GPM6A: variants seen among roughly 807,000 people sequenced by gnomAD.
GPM6A encodes the protein glycoprotein M6A.
A neutral mutation model predicts 32.1 loss-of-function variants in GPM6A; 7 were observed. The observed-to-expected ratio is 0.22, with a 90% CI of 0.12 to 0.41. The LOEUF (loss-of-function observed/expected upper bound fraction) is 0.41. GPM6A is among the 10% of genes least tolerant of loss of function. GPM6A has a pLI of 1.00. For synonymous variants in GPM6A, 130 were observed against 123.4 expected (o/e 1.05, Z -0.35); for missense variants, 235 against 347.2 (o/e 0.68, Z 2.57).
At chr4:175,736,546 G>A (rs917196964) in intron 1 of GPM6A, among the ~76,000 whole-genome samples, 1 of 151,966 alleles carries the variant, frequency 6.6e-6, no homozygotes, top group Non-Finnish European at 1.5e-5. Flanking sequence ...AATCATTTTT[G>A]TTCTCAATAA....
At chr4:175,800,483 C>A (rs1474479811) in intron 1 of GPM6A, among the ~76,000 whole-genome samples, 1 of 152,138 alleles carries the variant, frequency 6.6e-6, no homozygotes, top group South Asian at 2.1e-4. Context: ...ATAGTAAGAT[C>A]GGGCGCATCA....
At chr4:175,756,561 G>C (rs1429204574) in intron 1 of GPM6A, among the ~76,000 whole-genome samples, 2 of 152,052 alleles carry the variant, frequency 1.3e-5, no homozygotes, top group East Asian at 3.9e-4. Flanking sequence ...GGTTTGACAG[G>C]ATAGGACATG....
rs1740428678 is a variant in GPM6A at position 175,633,771 on chromosome 4, A to G, written c.*1134T>C. The G allele has an allele frequency of 6.6e-6, 1 of 152,520 alleles. No individual in the cohort carries two copies. The highest frequency in any genetic ancestry group is 1.5e-5 in the Non-Finnish European group (1 of 67,966). The allele number at this position is 152,520 out of a possible 1,614,324, so 9.4% of individuals were successfully genotyped here. On this transcript the variant is annotated 3_prime_UTR_variant, in exon 7 of 7. Transcript: ENST00000393658. ...TTACTTGAAATAAAAACACAAATATATCACTACACTTTCAAACAATACATT... is the reference window on the plus strand; with the variant it reads ...TTACTTGAAATAAAAACACAAATATGTCACTACACTTTCAAACAATACATT...
At chr4:175,837,710 T>C (rs1735810993) in intron 1 of GPM6A, among the ~76,000 whole-genome samples, 1 of 152,202 alleles carries the variant, frequency 6.6e-6, no homozygotes, top group Non-Finnish European at 1.5e-5. Flanking sequence ...ACCTCATTTA[T>C]GGAAAAAGAA....
At chr4:175,649,021 T>G (rs546437477) in intron 4 of GPM6A, among the ~76,000 whole-genome samples, 20 of 152,336 alleles carry the variant, frequency 1.3e-4, no homozygotes, top group African/African-American at 4.3e-4. Flanking sequence ...AAGATTATAG[T>G]TGAAAAAAGC....
chr4:175,939,066 A>G (rs1739327631), intron 1 of GPM6A, among the ~76,000 whole-genome samples: 2 of 152,192 alleles, frequency 1.3e-5, no homozygotes, highest in African/African-American at 4.8e-5. Context: ...AAGGGTGAAA[A>G]CTGGTTTTGA....
intron 1 of GPM6A, among the ~76,000 whole-genome samples, chr4:175,704,387 G>A (rs1745059469): frequency 6.6e-6 from 1 of 151,962 alleles, no homozygotes; most frequent in African/African-American, 2.4e-5. Context: ...ATGTGGGGAA[G>A]TAGAAAAGGT....
chr4:175,922,475 C>T lies in GPM6A; in HGVS notation c.-23+79834G>A, dbSNP rs1484174457. ...GTATTAGTCAGGAAGTACAAATTAC[C>T]TTATTCTTGTATGTAGATAGAAGCC... is the stretch of plus-strand genomic sequence containing the variant. On this transcript the variant is annotated intron_variant, in intron 1 of 7. Transcript: ENST00000280187. Among the ~76,000 whole-genome samples, 5 of 152,270 alleles carry T rather than the reference C, an allele frequency of 3.3e-5. No homozygotes were observed. In the East Asian group the frequency reaches 9.6e-4, roughly 29 times the overall value.
intron 4 of GPM6A, 135 bp from the exon 5 acceptor site, chr4:175,640,964 C>G (rs1741106807): frequency 4.8e-6 from 3 of 627,424 alleles, no homozygotes; most frequent in Non-Finnish European, 8.5e-6. Context: ...GAAAAATAAT[C>G]TAGCTTTCAT....
chr4:175,671,915 C>T (rs1579367087), intron 3 of GPM6A, among the ~76,000 whole-genome samples: 1 of 76,238 alleles, frequency 1.3e-5, no homozygotes, highest in East Asian at 3.6e-4. Context: ...CTGGAGGAGC[C>T]CACGCAGCAG....
chr4:175,927,516 TCATGCTTTATCC>T (rs1738881690), intron 1 of GPM6A, among the ~76,000 whole-genome samples: 2 of 152,242 alleles, frequency 1.3e-5, no homozygotes. Flanking sequence ...ACACATATCC[TCATGCTTTATCC>T]CAAACTGTAC....
At chr4:175,636,260 G>GTGTA (rs1203632844) in intron 6 of GPM6A, among the ~76,000 whole-genome samples, 140 of 101,314 alleles carry the variant, frequency 1.4e-3, no homozygotes, top group Non-Finnish European at 1.8e-3. Flanking sequence ...CATAATCACT[G>GTGTA]TATATATATA....
chr4:175,750,394 T>G (rs989163239), intron 1 of GPM6A, among the ~76,000 whole-genome samples: 1 of 152,044 alleles, frequency 6.6e-6, no homozygotes, highest in African/African-American at 2.4e-5. Flanking sequence ...GCATGGACCT[T>G]GAGACTAATG....
At chr4:175,995,681 T>C (rs185246299) in intron 1 of GPM6A, among the ~76,000 whole-genome samples, 115 of 152,312 alleles carry the variant, frequency 7.6e-4, no homozygotes, top group Non-Finnish European at 1.3e-3. Context: ...ATTTAATATA[T>C]GCTTTAAGGT....
chr4:175,877,782 A>G (rs905828653), intron 1 of GPM6A, among the ~76,000 whole-genome samples: 1 of 152,160 alleles, frequency 6.6e-6, no homozygotes, highest in African/African-American at 2.4e-5. Context: ...AAACACAACC[A>G]TGCCCTTCCA....
intron 3 of GPM6A, among the ~76,000 whole-genome samples, chr4:175,672,285 C>G (rs1026334211): frequency 2.6e-5 from 4 of 152,190 alleles, no homozygotes; most frequent in Admixed American, 1.3e-4. Context: ...GAATCACAGA[C>G]TCGTTGAGCT....
At chr4:175,847,698 A>G (rs1156356486) in intron 1 of GPM6A, among the ~76,000 whole-genome samples, 1 of 152,178 alleles carries the variant, frequency 6.6e-6, no homozygotes, top group African/African-American at 2.4e-5. Context: ...TAATTAAAAA[A>G]AGACAAAAAT....
At chr4:175,855,951 T>C (rs1736402048) in intron 1 of GPM6A, among the ~76,000 whole-genome samples, 1 of 152,236 alleles carries the variant, frequency 6.6e-6, no homozygotes, top group South Asian at 2.1e-4. Flanking sequence ...TAGCGCTCGC[T>C]CTTGCTTTTT....
chr4:175,856,797 TC>T (rs1736431985), intron 1 of GPM6A, among the ~76,000 whole-genome samples: 1 of 152,170 alleles, frequency 6.6e-6, no homozygotes, highest in African/African-American at 2.4e-5. Context: ...TTCTCTTCTC[TC>T]CTCTGCTGTA....
Sources: allele counts gnomAD v4.1 joint callset (sites outside exome capture counted in the v4.1 genomes callset), GRCh38; gene constraint gnomAD v4.1.1; transcripts MANE v1.5; gene names NCBI Gene and HGNC (gene_info 2026-07-23, HGNC 2026-07-21).